FANCA: variants seen among roughly 807,000 people sequenced by gnomAD.
FANCA encodes Fanconi anemia group A protein.
A neutral mutation model predicts 194.3 loss-of-function variants in FANCA; 236 were observed. That is an observed-to-expected ratio of 1.21 (90% CI 1.09 to 1.35). The LOEUF is 1.35. Among genes scored for constraint, FANCA ranks in the 40% most tolerant of loss-of-function variants. FANCA has a pLI of 0.00. For missense variants in FANCA, 2,628 were observed against 1,813.9 expected (o/e 1.45, Z -8.15); for synonymous variants, 1,014 against 715.8 (o/e 1.42, Z -6.65).
chr16:89,814,546 T>C lies in FANCA; in HGVS notation c.257A>G (p.Tyr86Cys), dbSNP rs1156288464. The stretch of plus-strand genomic sequence containing the variant: ...TATAAATGAACTAGAATGATTAGCA[T>C]AGGCCTCAGAACTGTCACAGTCAAT... The part of the protein sequence containing the change: ...KVIDCDSSEA[Y>C]ANHSSSFIGS... Residue 86 changes from tyrosine to cysteine, a missense_variant, in exon 3 of 43, where the codon TAT becomes TGT. By Grantham distance (194) the Tyr-to-Cys change is radical. Transcript: ENST00000389301. 2 of 1,613,382 alleles carry C rather than the reference T, an allele frequency of 1.2e-6. No homozygotes were observed. Among genetic ancestry groups the C allele is most frequent in the Admixed American group, 1.7e-5 (1 of 60,002 alleles).
In FANCA at chr16:89,795,887, G is replaced by C; in HGVS notation, c.1006+19C>G. The C allele has an allele frequency of 6.3e-7, 1 of 1,577,898 alleles. No individual in the cohort carries two copies. Among genetic ancestry groups the C allele is most frequent in the East Asian group, 2.2e-5 (1 of 44,692 alleles). On this transcript the variant is annotated intron_variant, in intron 11 of 42. Transcript: ENST00000389301. ...CCCCAAAATGGGTAGCAACTGAGCAGCCTCCACACTGGGCCTACCTTTCAG... is the reference window on the plus strand; with the variant it reads ...CCCCAAAATGGGTAGCAACTGAGCACCCTCCACACTGGGCCTACCTTTCAG...
chr16:89,750,871 C>A (rs940536093), intron 31 of FANCA, among the ~76,000 whole-genome samples: 1 of 152,114 alleles, frequency 6.6e-6, no homozygotes, highest in Non-Finnish European at 1.5e-5. Context: ...CCCCACACAT[C>A]ATTTTTGCCT....
chr16:89,796,149 C>G lies in FANCA; in HGVS notation c.894-131G>C, dbSNP rs151224321. On this transcript the variant is annotated intron_variant, in intron 10 of 42. Transcript: ENST00000389301. ...GGAAGGGGCTTTCTTGGCCAGGCCA[C>G]TATAACCACAGACTTGAAACTGAAT... 4.9e-4 allele frequency: 362 copies of G among 733,952 alleles called. 2 individuals carry two copies. The highest frequency in any genetic ancestry group is 4.9e-3 in the African/African-American group (285 of 57,830). The allele number at this position is 733,952 out of a possible 1,614,324, so 45.5% of individuals were successfully genotyped here.
Position 89,778,952 on chromosome 16 carries a change from T to C in FANCA, c.1767A>G (p.Thr589=). Residue 589 remains threonine, a synonymous_variant, in exon 19 of 43, where the codon ACA becomes ACG. Transcript: ENST00000389301. The stretch of plus-strand genomic sequence containing the variant: ...GGAGACGCATACTGACCACTCGAGG[T>C]GTGAGCAGGGCGGGGAGGAAGTGGG... The part of the protein sequence containing the change: ...YVSHFLPALL[T]PRVLPKVPDS... The C allele has an allele frequency of 6.2e-7, 1 of 1,614,028 alleles. No individual in the cohort carries two copies. Among genetic ancestry groups the C allele is most frequent in the Non-Finnish European group, 8.5e-7 (1 of 1,180,014 alleles).
At chr16:89,742,720 T>A in intron 37 of FANCA, 80 bp downstream of exon 37, 8 of 1,232,544 alleles carry the variant, frequency 6.5e-6, no homozygotes, top group East Asian at 3.0e-5. Context: ...AAACAGTTCA[T>A]CAGACAAGCC....
chr16:89,808,464 A>G (rs2040750891), intron 5 of FANCA, 97 bp from the exon 6 acceptor site: 20 of 1,286,196 alleles, frequency 1.6e-5, no homozygotes, highest in Admixed American at 5.5e-5. Context: ...TGTTCAACTT[A>G]GGTTCTTAAC....
At chr16:89,749,216 TTTGTTG>T (rs17233476) in intron 32 of FANCA, among the ~76,000 whole-genome samples, 9,026 of 151,998 alleles carry the variant, frequency 0.059, 403 homozygotes, top group East Asian at 0.21. Context: ...GCAGGAAGGT[TTTGTTG>T]TTGTTGTTGA....
At chr16:89,751,308 T>A (rs1369564476) in intron 31 of FANCA, among the ~76,000 whole-genome samples, 2 of 152,052 alleles carry the variant, frequency 1.3e-5, no homozygotes, top group African/African-American at 4.8e-5. Flanking sequence ...GAGACAAGCC[T>A]GGGCAACATG....
At chr16:89,799,051 A>C (rs1567641613) in intron 10 of FANCA, 115 bp downstream of exon 10, 2 of 1,614,254 alleles carry the variant, frequency 1.2e-6, no homozygotes, top group African/African-American at 2.7e-5. Flanking sequence ...TGGCAGAGGA[A>C]GTGTGCTCAG....
At chr16:89,799,488 C>G in intron 9 of FANCA, 117 bp downstream of exon 9, 1 of 1,106,766 alleles carries the variant, frequency 9.0e-7, no homozygotes, top group Non-Finnish European at 1.4e-6. Context: ...TACCAGGACT[C>G]TGCACAGTGA....
intron 35 of FANCA, among the ~76,000 whole-genome samples, chr16:89,745,625 G>A (rs2038360799): frequency 2.6e-5 from 2 of 76,410 alleles, no homozygotes; most frequent in South Asian, 1.2e-3. Context: ...ACGAAACAGT[G>A]AAGGGACCAC....
At position 89,752,230 on chromosome 16, in the gene FANCA, G is replaced by C. The variant is rs781331325; in HGVS notation, c.2982-8C>G. The C allele has an allele frequency of 7.6e-5, 122 of 1,610,956 alleles. No individual in the cohort carries two copies. The highest frequency in any genetic ancestry group is 9.8e-5 in the Non-Finnish European group (115 of 1,177,464). ...TGGTCATAACTCCTTGAGCTGAAAT[G>C]AAAATACAATAAAATCCTCCTCAGT... is the stretch of plus-strand genomic sequence containing the variant. On this transcript the variant is annotated splice_region_variant and splice_polypyrimidine_tract_variant and intron_variant, in intron 30 of 42. Coordinates refer to ENST00000389301, the MANE Select transcript of FANCA (RefSeq NM_000135.4).
chr16:89,800,457 G>C (rs1185145678), intron 8 of FANCA, among the ~76,000 whole-genome samples: 2 of 152,168 alleles, frequency 1.3e-5, no homozygotes, highest in Non-Finnish European at 2.9e-5. Context: ...CTCCAAAAGG[G>C]AATAAAAATT....
chr16:89,740,731 G>A lies in FANCA; in HGVS notation c.3828+73C>T, dbSNP rs779271674. On this transcript the variant is annotated intron_variant, in intron 38 of 42. Coordinates refer to ENST00000389301, the MANE Select transcript of FANCA (RefSeq NM_000135.4). ...GAGCTAGTCTGGAAACCCTGACTTG[G>A]AAGCTGGCTGCCTGGTGCCCCTGCC... 722 of 1,326,702 alleles carry A rather than the reference G, an allele frequency of 5.4e-4. 5 individuals carry two copies. Among genetic ancestry groups the A allele is most frequent in the Non-Finnish European group, 1.0e-4 (93 of 927,710 alleles). The allele number at this position is 1,326,702 out of a possible 1,614,324, so 82.2% of individuals were successfully genotyped here.
chr16:89,810,880 G>C (rs2040850352), intron 4 of FANCA, 49 bp downstream of exon 4: 1 of 1,613,868 alleles, frequency 6.2e-7, no homozygotes, highest in Non-Finnish European at 8.5e-7. Flanking sequence ...TTCCCAACCA[G>C]CTTAAAAGTA....
At chr16:89,797,394 G>T (rs543239504) in intron 10 of FANCA, among the ~76,000 whole-genome samples, 184 of 152,202 alleles carry the variant, frequency 1.2e-3, no homozygotes, top group African/African-American at 4.1e-3. Flanking sequence ...CTGCCCCAGG[G>T]TCACACACCC....
chr16:89,757,761 A>C (rs907894851), intron 30 of FANCA, among the ~76,000 whole-genome samples: 1 of 152,194 alleles, frequency 6.6e-6, no homozygotes, highest in African/African-American at 2.4e-5. Context: ...TGTCCTGAGA[A>C]TCCCTCTCAG....
Position 89,767,757 on chromosome 16 carries a change from C to T in FANCA, c.2505-520G>A, listed in dbSNP as rs192179949. ...TAGAGATGGGGTTTCACCGTGTTAGCGAGGATGGTCTCGATCTCCTGACTT... is the reference window on the plus strand; with the variant it reads ...TAGAGATGGGGTTTCACCGTGTTAGTGAGGATGGTCTCGATCTCCTGACTT... On this transcript the variant is annotated intron_variant, in intron 26 of 42. Coordinates refer to ENST00000389301, the MANE Select transcript of FANCA (RefSeq NM_000135.4). Among the ~76,000 whole-genome samples, 15 of 152,198 alleles carry T rather than the reference C, an allele frequency of 9.9e-5. 1 individual carries two copies. The South Asian group carries it at 1.9e-3, about 19-fold the overall frequency.
chr16:89,764,279 G>C (rs906848130), intron 28 of FANCA, among the ~76,000 whole-genome samples: 4 of 152,160 alleles, frequency 2.6e-5, no homozygotes, highest in African/African-American at 9.6e-5. Context: ...GAGAAACTGA[G>C]AAAGTATAGC....
Sources: allele counts gnomAD v4.1 joint callset (sites outside exome capture counted in the v4.1 genomes callset), GRCh38; gene constraint gnomAD v4.1.1; transcripts MANE v1.5; gene names NCBI Gene and HGNC (gene_info 2026-07-23, HGNC 2026-07-21).